The following ZNF385C variants were observed in gnomAD, a reference collection of about 807,000 sequenced individuals.
ZNF385C encodes the protein CTD-2132N18.2.
Under a neutral mutation model 35.4 loss-of-function variants are expected in ZNF385C, and 28 were observed. That is an observed-to-expected ratio of 0.79 (90% confidence interval 0.59 to 1.08). ZNF385C has a LOEUF of 1.08. Ranked by LOEUF, ZNF385C falls within the 50% of genes least tolerant of loss-of-function variation. ZNF385C has a pLI of 0.00. For missense variants in ZNF385C, 605 were observed against 595.6 expected (o/e 1.02, Z -0.16); for synonymous variants, 248 against 248.2 (o/e 1.00, Z 0.01).
chr17:42,045,010 C>T (rs1248985302), intron 2 of ZNF385C, among the ~76,000 whole-genome samples: 4 of 152,128 alleles, frequency 2.6e-5, no homozygotes, highest in Non-Finnish European at 4.4e-5. Flanking sequence ...CTCTGCCTCC[C>T]GGGTTCACAC....
In ZNF385C at chr17:42,028,772, G is replaced by T. The variant is rs1292322347; in HGVS notation, c.967+11C>A. 6.5e-7 allele frequency: 1 copy of T among 1,542,124 alleles called. No individual in the cohort carries two copies. Among genetic ancestry groups the T allele is most frequent in the Non-Finnish European group, 8.8e-7 (1 of 1,140,310 alleles). ...CCCTTTCCCTGGGCTCCAGCTCCTGGGACTACTGACCTGTGTTGTGAGCCT... is the reference window on the plus strand; with the variant it reads ...CCCTTTCCCTGGGCTCCAGCTCCTGTGACTACTGACCTGTGTTGTGAGCCT... On this transcript the variant is annotated intron_variant, in intron 6 of 8. Transcript: ENST00000692273.
intron 3 of ZNF385C, among the ~76,000 whole-genome samples, chr17:42,036,880 T>G (rs1198901879): frequency 2.0e-5 from 3 of 152,134 alleles, no homozygotes; most frequent in Non-Finnish European, 2.9e-5. Context: ...GTGACTGAGG[T>G]GGAGTTTGCC....
intron 2 of ZNF385C, among the ~76,000 whole-genome samples, chr17:42,048,266 G>A (rs192031151): frequency 6.7e-4 from 102 of 151,924 alleles, no homozygotes; most frequent in Non-Finnish European, 2.4e-4. Flanking sequence ...GGCTGGATGT[G>A]GTGGCTCACA....
chr17:42,040,893 A>G, intron 2 of ZNF385C: 1 of 1,232,030 alleles, frequency 8.1e-7, no homozygotes. Flanking sequence ...GTGGGCCCAC[A>G]CTCCCCAGGC....
At chr17:42,042,251 G>A (rs1398034366) in intron 2 of ZNF385C, among the ~76,000 whole-genome samples, 5 of 152,146 alleles carry the variant, frequency 3.3e-5, no homozygotes, top group African/African-American at 1.2e-4. Context: ...GCCAGGCGCG[G>A]TTGCTTACAC....
rs146078732 is a variant in ZNF385C at position 42,041,112 on chromosome 17, G to A, written c.251-3227C>T. The A allele has an allele frequency of 6.1e-4, 753 of 1,232,248 alleles. 4 individuals are homozygous for A. The African/African-American group carries it at 0.011, about 18-fold the overall frequency. The allele number at this position is 1,232,248 out of a possible 1,614,324, so 76.3% of individuals were successfully genotyped here. On this transcript the variant is annotated intron_variant, in intron 2 of 8. Transcript: ENST00000692273. Reference sequence around the variant, plus strand: ...GTGACTCCGGCCAGTCTCTGGTCTCGTCCAACACCAGCCCCACATATGGGG... The same window carrying A: ...GTGACTCCGGCCAGTCTCTGGTCTCATCCAACACCAGCCCCACATATGGGG...
chr17:42,033,296 T>C (rs1555655140), intron 4 of ZNF385C, among the ~76,000 whole-genome samples: 1 of 152,172 alleles, frequency 6.6e-6, no homozygotes, highest in African/African-American at 2.4e-5. Context: ...AGTGGTAAGA[T>C]GTAGTAGAAA....
At position 42,064,058 on chromosome 17, in the gene ZNF385C, G is replaced by A. The variant is rs552776481; in HGVS notation, c.-2-1000C>T. Reference sequence around the variant, plus strand: ...CCCTGCCCCCGCCCTGTCCCCCAACGCGCGCACACGCACATACACACACAC... The same window carrying A: ...CCCTGCCCCCGCCCTGTCCCCCAACACGCGCACACGCACATACACACACAC... On this transcript the variant is annotated intron_variant, in intron 1 of 8. Coordinates refer to ENST00000692273, the MANE Select transcript of ZNF385C (RefSeq NM_001392013.1). Among the ~76,000 whole-genome samples, 10 of 129,724 alleles carry A rather than the reference G, an allele frequency of 7.7e-5. No individual in the cohort carries two copies. In the East Asian group the frequency reaches 2.0e-3, roughly 26 times the overall value. 85.1% of individuals were successfully genotyped at this position (129,724 alleles called of 152,430 possible).
At chr17:42,079,912 A>G (rs1555659608) in intron 1 of ZNF385C, among the ~76,000 whole-genome samples, 2 of 152,096 alleles carry the variant, frequency 1.3e-5, no homozygotes, top group South Asian at 2.1e-4. Flanking sequence ...GCCCATCCCC[A>G]TGTCCAGGCT....
intron 1 of ZNF385C, among the ~76,000 whole-genome samples, chr17:42,088,402 G>C (rs797043161): frequency 3.3e-5 from 5 of 152,378 alleles, no homozygotes; most frequent in African/African-American, 1.2e-4. Context: ...CACTGACAGA[G>C]GCCCCTTTGT....
At chr17:42,058,817 T>A (rs2053418417) in intron 2 of ZNF385C, among the ~76,000 whole-genome samples, 1 of 152,118 alleles carries the variant, frequency 6.6e-6, no homozygotes. Flanking sequence ...CAACCACACC[T>A]GGCTAATTTT....
chr17:42,037,358 TACA>T (rs1157786426), intron 3 of ZNF385C, among the ~76,000 whole-genome samples: 9 of 144,154 alleles, frequency 6.2e-5, no homozygotes, highest in African/African-American at 2.1e-4. Context: ...CTATAGAAAC[TACA>T]ACAAAAAGGC....
intron 2 of ZNF385C, chr17:42,062,493 G>A (rs1159424621): frequency 3.9e-5 from 10 of 253,646 alleles, no homozygotes; most frequent in Non-Finnish European, 7.4e-5. Context: ...CTACCAGGAG[G>A]CTCCAGGCTG....
intron 1 of ZNF385C, among the ~76,000 whole-genome samples, chr17:42,086,809 T>C (rs1322017370): frequency 6.6e-6 from 1 of 151,122 alleles, no homozygotes; most frequent in Non-Finnish European, 1.5e-5. Flanking sequence ...TTTTTTCCCA[T>C]ATGTAACTCA....
At chr17:42,082,173 T>C (rs2143930536) in intron 1 of ZNF385C, among the ~76,000 whole-genome samples, 1 of 152,316 alleles carries the variant, frequency 6.6e-6, no homozygotes, top group South Asian at 2.1e-4. Context: ...CATGGCGTGC[T>C]TCATGTCTGG....
intron 1 of ZNF385C, among the ~76,000 whole-genome samples, chr17:42,068,674 A>G (rs1408204230): frequency 6.6e-6 from 1 of 152,154 alleles, no homozygotes; most frequent in South Asian, 2.1e-4. Context: ...CTTAAACTTC[A>G]CAATTCCATG....
At chr17:42,073,030 G>T (rs1411174447) in intron 1 of ZNF385C, among the ~76,000 whole-genome samples, 1 of 152,186 alleles carries the variant, frequency 6.6e-6, no homozygotes, top group East Asian at 1.9e-4. Context: ...GGGAGTGGGA[G>T]GAAGTTGACA....
rs782003252 is a variant in ZNF385C at position 42,087,321 on chromosome 17, C to G, written c.-3+11089G>C. ...TGGGACTAGTGCTCATTGCTTAAAACTACAACTGAAAACAATCAATCATCC... is the reference window on the plus strand; with the variant it reads ...TGGGACTAGTGCTCATTGCTTAAAAGTACAACTGAAAACAATCAATCATCC... On this transcript the variant is annotated intron_variant, in intron 1 of 8. Coordinates refer to ENST00000692273, the MANE Select transcript of ZNF385C (RefSeq NM_001392013.1). 9.2e-5 allele frequency among the ~76,000 whole-genome samples: 14 copies of G among 152,296 alleles called. 1 individual carries two copies. The Middle Eastern group carries it at 0.01, about 111-fold the overall frequency.
intron 1 of ZNF385C, among the ~76,000 whole-genome samples, chr17:42,070,680 G>A (rs564417539): frequency 3.4e-4 from 52 of 152,316 alleles, no homozygotes; most frequent in African/African-American, 1.1e-3. Context: ...GCAAAGGCAG[G>A]GGGTGAGGAC....
Sources: gnomAD v4.1 joint callset for allele counts (sites outside exome capture counted in the v4.1 genomes callset) on GRCh38, gnomAD v4.1.1 for gene constraint, MANE v1.5 for transcripts, NCBI Gene and HGNC (gene_info 2026-07-23, HGNC 2026-07-21) for gene names.